Variants in APC2 observed in about 807,000 individuals in gnomAD.
APC2 encodes APC regulator of Wnt signaling pathway 2, also known as adenomatous polyposis coli protein 2.
A neutral mutation model predicts 72.5 loss-of-function variants in APC2; 41 were observed. The ratio of observed to expected loss-of-function variants is 0.57; its 90% confidence interval spans 0.44 to 0.73. APC2 has a LOEUF of 0.73. Among genes scored for constraint, APC2 ranks in the 30% least tolerant of loss-of-function variants. The probability of loss-of-function intolerance (pLI) is 0.00; values close to 1 mark genes in which losing one functional copy is unlikely to be tolerated. For missense variants in APC2, 3,729 were observed against 3,403.4 expected, an observed-to-expected ratio of 1.10 and a Z score of -2.38; for synonymous variants, 1,898 against 1,612.0, an observed-to-expected ratio of 1.18 and a Z score of -4.25.
rs143869901 is a variant in APC2, at chr19:1,473,228, T to C, written c.*3015T>C. On this transcript the variant is annotated 3_prime_UTR_variant, in exon 15 of 15. Transcript: ENST00000590469. Reference sequence around the variant, plus strand: ...TCCGACTCGCACACATTTAATAAACTGAGCTCTTGCATTGCCTGCCGCCAT... The same window carrying C: ...TCCGACTCGCACACATTTAATAAACCGAGCTCTTGCATTGCCTGCCGCCAT... The C allele has an allele frequency of 5.2e-5, 8 of 152,406 alleles. No individual in the cohort carries two copies. Among genetic ancestry groups the C allele is most frequent in the African/African-American group, 1.9e-4 (8 of 41,592 alleles). The allele number at this position is 152,406 out of a possible 1,614,324, so 9.4% of individuals were successfully genotyped here.
At position 1,468,891 on chromosome 19, in the gene APC2, C is replaced by T; in HGVS notation, c.5590C>T (p.Pro1864Ser). The T allele has an allele frequency of 6.6e-7, 1 of 1,519,904 alleles. No individual in the cohort carries two copies. Among genetic ancestry groups the T allele is most frequent in the Non-Finnish European group, 8.8e-7 (1 of 1,140,500 alleles). 94.2% of individuals were successfully genotyped at this position (1,519,904 alleles called of 1,614,324 possible). A position where few individuals can be genotyped will look rare whatever the true frequency, so the allele number is the denominator to read the frequency against. ...GAGCCAGCCCCCCAGAAGCGCCACA[C>T]CGCCCGCCCGCCTCGCCAAGACCCC... ...TLSQPPRSATPPARLAKTPSS... is the reference protein window; with the variant it reads ...TLSQPPRSATSPARLAKTPSS... The change falls in exon 15 of 15, where the codon CCG becomes TCG. Residue 1864 changes from proline to serine, a missense_variant. Pro to Ser is a moderately conservative substitution (Grantham distance 74). Coordinates refer to ENST00000590469, the MANE Select transcript of APC2 (RefSeq NM_005883.3).
intron 4 of APC2, 108 bp downstream of exon 4, chr19:1,453,719 C>T (rs1686692602): frequency 1.5e-6 from 2 of 1,376,326 alleles, no homozygotes; most frequent in Admixed American, 4.3e-5. Context: ...CCACACCTCA[C>T]ACGCCCCACC....
chr19:1,446,344 AG>A (rs2039525659), upstream of APC2: 3 of 985,096 alleles, frequency 3.0e-6, no homozygotes, highest in Non-Finnish European at 3.6e-6. This position sits in a 1 kb window ranked among gnomAD's most constrained non-coding sequence, Gnocchi z 6.1. Context: ...GGGACCAGGT[AG>A]GGCGCGTGGG....
chr19:1,459,406 C>T (rs1422326647), intron 10 of APC2, among the ~76,000 whole-genome samples: 1 of 152,238 alleles, frequency 6.6e-6, no homozygotes, highest in East Asian at 1.9e-4. Context: ...TGCGTGACAT[C>T]CCATCGTGTG....
intron 13 of APC2, chr19:1,461,585 G>A (rs1200061669): frequency 6.3e-6 from 2 of 316,036 alleles, no homozygotes; most frequent in Non-Finnish European, 5.9e-6. Flanking sequence ...GGGCGCGGTG[G>A]CTCTTGCCTG....
rs2083850623 is a variant in APC2 at position 1,457,363 on chromosome 19, G to A, written c.1207+120G>A. 4 of 1,372,608 alleles carry A rather than the reference G, an allele frequency of 2.9e-6. 1 individual carries two copies. The allele number at this position is 1,372,608 out of a possible 1,614,324, so 85.0% of individuals were successfully genotyped here. On this transcript the variant is annotated intron_variant, in intron 9 of 14. Transcript: ENST00000590469. Reference sequence around the variant, plus strand: ...CTGCCTTCTGGCGTTGGAGGCTGCAGTACCAGGCTCCGGCCGAGGCCTGTG... The same window carrying A: ...CTGCCTTCTGGCGTTGGAGGCTGCAATACCAGGCTCCGGCCGAGGCCTGTG...
Position 1,468,247 on chromosome 19 carries a change from G to GCCGCAAGCC in APC2, c.4950_4958dup (p.Lys1651_Arg1653dup). On this transcript the variant is annotated inframe_insertion, in exon 15 of 15. Transcript: ENST00000590469. ...CGGCCCCCCGTGTCTGGCCTGCGGC[G>GCCGCAAGCC]CCGCAAGCCCCGAGCCACCCGGCTG... 1 of 1,506,342 alleles carries GCCGCAAGCC rather than the reference G, an allele frequency of 6.6e-7. No individual in the cohort carries two copies. Among genetic ancestry groups the GCCGCAAGCC allele is most frequent in the Non-Finnish European group, 8.8e-7 (1 of 1,132,212 alleles). The allele number at this position is 1,506,342 out of a possible 1,614,324, so 93.3% of individuals were successfully genotyped here. A position where few individuals can be genotyped will look rare whatever the true frequency, so the allele number is the denominator to read the frequency against.
At chr19:1,460,443 A>T in intron 11 of APC2, 123 bp downstream of exon 11, 1 of 1,438,960 alleles carries the variant, frequency 6.9e-7, no homozygotes, top group Non-Finnish European at 9.5e-7. Flanking sequence ...TCCCCAACTT[A>T]CAGACGGGTA....
Position 1,457,168 on chromosome 19 carries a change from C to G in APC2, c.1132C>G (p.Arg378Gly), listed in dbSNP as rs1391605540. 6.3e-7 allele frequency: 1 copy of G among 1,582,638 alleles called. No homozygotes were observed. Among genetic ancestry groups the G allele is most frequent in the East Asian group, 2.3e-5 (1 of 42,954 alleles). ...CGTCCTGCACGTGCTGGAGCAGATC[C>G]GGGCCTACTGCGAGACCTGCTGGGA... ...MRVLHVLEQI[R>G]AYCETCWDWL... The change falls in exon 9 of 15, where the codon CGG becomes GGG. Residue 378 changes from arginine to glycine, a missense_variant. Physicochemically the swap from Arg to Gly is moderately radical, Grantham distance 125 (BLOSUM62 -2). Transcript: ENST00000590469.
Position 1,466,319 on chromosome 19 carries a change from G to A in APC2, c.3018G>A (p.Glu1006=). 3 of 1,545,598 alleles carry A rather than the reference G, an allele frequency of 1.9e-6. No individual in the cohort carries two copies. Among genetic ancestry groups the A allele is most frequent in the East Asian group, 2.3e-5 (1 of 43,966 alleles). The change falls in exon 15 of 15, where the codon GAG becomes GAA. Residue 1006 remains glutamate (E), a synonymous_variant. Transcript: ENST00000590469. ...SPTYQHVPLL[E]GASRAGAEPL... ...CCTATCAGCACGTGCCACTGCTTGA[G>A]GGTGCCTCAAGGGCGGGTGCAGAGC...
At chr19:1,454,926 T>C (rs1213686546) in intron 4 of APC2, among the ~76,000 whole-genome samples, 4 of 152,142 alleles carry the variant, frequency 2.6e-5, no homozygotes, top group South Asian at 2.1e-4. Flanking sequence ...TCTCGCTATG[T>C]TGCCCAGACT....
rs922614212 is a variant in APC2 at position 1,472,909 on chromosome 19, A to T, written c.*2696A>T. On this transcript the variant is annotated 3_prime_UTR_variant, in exon 15 of 15. Transcript: ENST00000590469. ...GGTGTCCTGAGGCTGATGGACAGTG[A>T]CCGCCACTGGCCCCCAACATGACCA... 7.9e-5 allele frequency: 12 copies of T among 152,328 alleles called. No homozygotes were observed. Among genetic ancestry groups the T allele is most frequent in the Non-Finnish European group, 1.8e-4 (12 of 68,104 alleles). The allele number at this position is 152,328 out of a possible 1,614,324, so 9.4% of individuals were successfully genotyped here. A position where few individuals can be genotyped will look rare whatever the true frequency, so the allele number is the denominator to read the frequency against.
intron 1 of APC2, among the ~76,000 whole-genome samples, 182 bp downstream of exon 1, chr19:1,450,520 C>T (rs2083730968): frequency 6.6e-6 from 1 of 152,212 alleles, no homozygotes; most frequent in Admixed American, 6.5e-5. Flanking sequence ...GCCGGTCCTG[C>T]GCACACACCC....
chr19:1,460,460 G>A, intron 11 of APC2, 140 bp downstream of exon 11: 1 of 1,353,558 alleles, frequency 7.4e-7, no homozygotes, highest in Admixed American at 2.1e-5. Context: ...GGTAGACTGA[G>A]GCCCAGAGAG....
In APC2 at chr19:1,452,528, A is replaced by G. The variant is rs925549808; in HGVS notation, c.-18-456A>G. The stretch of plus-strand genomic sequence containing the variant: ...TCAGCCTCTGGGCAGGCTTGCTTTT[A>G]TGGGGGAGGGTCCTGTCTGTCTGTC... On this transcript the variant is annotated intron_variant, in intron 1 of 14. Transcript: ENST00000590469. The surrounding 1 kb of genome is among the most constrained non-coding windows in gnomAD (Gnocchi z 5.1). 5.9e-6 allele frequency: 1 copy of G among 168,554 alleles called. No individual in the cohort carries two copies. Among genetic ancestry groups the G allele is most frequent in the Admixed American group, 6.0e-5 (1 of 16,782 alleles). 10.4% of individuals were successfully genotyped at this position (168,554 alleles called of 1,614,324 possible). A position where few individuals can be genotyped will look rare whatever the true frequency, so the allele number is the denominator to read the frequency against.
chr19:1,459,717 T>C (rs2083893881), intron 10 of APC2, among the ~76,000 whole-genome samples: 1 of 152,140 alleles, frequency 6.6e-6, no homozygotes, highest in Non-Finnish European at 1.5e-5. Context: ...CCTTTTGTAA[T>C]GGGGAAGCGG....
At position 1,452,760 on chromosome 19, in the gene APC2, C is replaced by A; in HGVS notation, c.-18-224C>A. 1 of 557,182 alleles carries A rather than the reference C, an allele frequency of 1.8e-6. No homozygotes were observed. The highest frequency in any genetic ancestry group is 3.2e-6 in the Non-Finnish European group (1 of 314,728). The allele number at this position is 557,182 out of a possible 1,614,324, so 34.5% of individuals were successfully genotyped here. A position where few individuals can be genotyped will look rare whatever the true frequency, so the allele number is the denominator to read the frequency against. On this transcript the variant is annotated intron_variant, in intron 1 of 14. Coordinates refer to ENST00000590469, the MANE Select transcript of APC2 (RefSeq NM_005883.3). The surrounding 1 kb of genome is among the most constrained non-coding windows in gnomAD (Gnocchi z 5.1). ...GTCTGTCTGCTGGCCCCTCTGTCTC[C>A]CCTTGGGGCCACCTCTCACTCCACC...
At position 1,466,461 on chromosome 19, in the gene APC2, G is replaced by T. The variant is rs749298181; in HGVS notation, c.3160G>T (p.Ala1054Ser). ...AAAPLSVASK[A>S]LQKLAAQEGP... is the part of the protein sequence containing the mutation. ...TGCCCCGCTGTCTGTGGCCAGCAAG[G>T]CACTGCAGAAACTGGCGGCGCAAGA... The change falls in exon 15 of 15, where the codon GCA becomes TCA. Residue 1054 changes from alanine to serine, a missense_variant. Physicochemically the swap from Ala to Ser is moderately conservative, Grantham distance 99. Coordinates refer to ENST00000590469, the MANE Select transcript of APC2 (RefSeq NM_005883.3). 4 of 1,598,240 alleles carry T rather than the reference G, an allele frequency of 2.5e-6. No homozygotes were observed. Among genetic ancestry groups the T allele is most frequent in the South Asian group, 2.2e-5 (2 of 90,956 alleles).
In APC2 at chr19:1,470,974, C is replaced by G. The variant is rs2084124678; in HGVS notation, c.*761C>G. The stretch of plus-strand genomic sequence containing the variant: ...GGCAGCGGGCTGCGTACGATGGGAC[C>G]CTGGTGCAGACGCCGGGCCGGCTGA... On this transcript the variant is annotated 3_prime_UTR_variant, in exon 15 of 15. Transcript: ENST00000590469. 1 of 152,266 alleles carries G rather than the reference C, an allele frequency of 6.6e-6. No individual in the cohort carries two copies. The highest frequency in any genetic ancestry group is 2.4e-5 in the African/African-American group (1 of 41,460). 9.4% of individuals were successfully genotyped at this position (152,266 alleles called of 1,614,324 possible). A position where few individuals can be genotyped will look rare whatever the true frequency, so the allele number is the denominator to read the frequency against.
Sources: gnomAD v4.1 joint callset for allele counts (sites outside exome capture counted in the v4.1 genomes callset) on GRCh38, gnomAD v4.1.1 for gene constraint, Gnocchi (gnomAD v3.1) non-coding constraint, MANE v1.5 for transcripts, NCBI Gene and HGNC (gene_info 2026-07-23, HGNC 2026-07-21) for gene names.